The following GPATCH2 variants were observed in gnomAD, a reference collection of about 807,000 sequenced individuals.
GPATCH2 encodes the protein G patch domain-containing protein 2.
In GPATCH2, 51 loss-of-function variants were observed where a neutral mutation model predicts 58.0. The observed-to-expected ratio is 0.88, with a 90% CI of 0.70 to 1.11. The LOEUF is 1.11. GPATCH2 is among the 50% of genes most tolerant of loss of function. The pLI, the probability that GPATCH2 is intolerant of heterozygous loss-of-function variation, is 0.00. For missense variants in GPATCH2, 625 were observed against 652.2 expected (o/e 0.96, Z 0.45); for synonymous variants, 222 against 218.5 (o/e 1.02, Z -0.14).
chr1:217,489,652 C>A (rs1185086687), intron 8 of GPATCH2, among the ~76,000 whole-genome samples: 1 of 152,200 alleles, frequency 6.6e-6, no homozygotes, highest in African/African-American at 2.4e-5. Flanking sequence ...CACCTGAGGT[C>A]AGGAGTTTGA....
chr1:217,439,858 T>A (rs1460360511), intron 9 of GPATCH2, among the ~76,000 whole-genome samples: 1 of 152,192 alleles, frequency 6.6e-6, no homozygotes, highest in South Asian at 2.1e-4. Flanking sequence ...AGTTCTGACA[T>A]TGAGGCAGCA....
At chr1:217,483,151 T>C (rs2102520241) in intron 8 of GPATCH2, among the ~76,000 whole-genome samples, 1 of 152,306 alleles carries the variant, frequency 6.6e-6, no homozygotes, top group Admixed American at 6.5e-5. Flanking sequence ...TGAATAAAGA[T>C]GCTACAAATA....
chr1:217,512,156 T>G (rs891869766), intron 6 of GPATCH2, among the ~76,000 whole-genome samples: 2 of 151,818 alleles, frequency 1.3e-5, no homozygotes, highest in Non-Finnish European at 2.9e-5. Flanking sequence ...ACCACATGTC[T>G]ACCAAAAAAA....
intron 9 of GPATCH2, among the ~76,000 whole-genome samples, chr1:217,445,542 G>A (rs556458624): frequency 1.3e-5 from 2 of 151,916 alleles, no homozygotes; most frequent in Admixed American, 6.6e-5. Context: ...TTCTTGCTTC[G>A]ATAGTTCTCA....
intron 8 of GPATCH2, among the ~76,000 whole-genome samples, chr1:217,469,192 G>C (rs1213766938): frequency 5.3e-5 from 8 of 152,032 alleles, no homozygotes; most frequent in Admixed American, 4.6e-4. Context: ...GATAATAGTA[G>C]TTTTTATTCC....
At chr1:217,458,169 G>A (rs951592463) in intron 8 of GPATCH2, among the ~76,000 whole-genome samples, 7 of 152,296 alleles carry the variant, frequency 4.6e-5, no homozygotes, top group Admixed American at 4.6e-4. Flanking sequence ...GGCGGAGCTT[G>A]CAGTGAGCCG....
At chr1:217,466,791 A>C (rs1660473443) in intron 8 of GPATCH2, among the ~76,000 whole-genome samples, 1 of 152,106 alleles carries the variant, frequency 6.6e-6, no homozygotes, top group Non-Finnish European at 1.5e-5. Context: ...GGGCAAGAGA[A>C]AGGAGAAAAA....
intron 5 of GPATCH2, among the ~76,000 whole-genome samples, chr1:217,567,244 C>A (rs1315938576): frequency 6.6e-6 from 1 of 152,098 alleles, no homozygotes; most frequent in East Asian, 1.9e-4. Context: ...CGGGGTTTCT[C>A]CACGTTGGTC....
In GPATCH2 at chr1:217,630,955, C is replaced by T; in HGVS notation, c.17G>A (p.Gly6Glu). The part of the protein sequence containing the change: MFGAA[G>E]RQPIGAPAAG... ...TGCTGGAGCTCCGATCGGTTGGCGC[C>T]CGGCGGCCCCGAACATTAACGACAC... The change falls in exon 1 of 10, where the codon GGG becomes GAG. Residue 6 changes from glycine to glutamate, a missense_variant. Transcript: ENST00000366935. 6.3e-7 allele frequency: 1 copy of T among 1,588,156 alleles called. No homozygotes were observed. The highest frequency in any genetic ancestry group is 8.5e-7 in the Non-Finnish European group (1 of 1,172,440).
Position 217,483,333 on chromosome 1 carries a change from C to T in GPATCH2, c.1277+8347G>A, listed in dbSNP as rs185332726. Among the ~76,000 whole-genome samples, 377 of 151,914 alleles carry T rather than the reference C, an allele frequency of 2.5e-3. 7 individuals are homozygous for T. The highest frequency in any genetic ancestry group is 0.021 in the Admixed American group (315 of 15,272). ...CTGAGTAGATGGGACTATAGGCATG[C>T]GCCACCATGCCTGACTAATATTTTT... On this transcript the variant is annotated intron_variant, in intron 8 of 9. Coordinates refer to ENST00000366935, the MANE Select transcript of GPATCH2 (RefSeq NM_018040.5).
intron 5 of GPATCH2, among the ~76,000 whole-genome samples, chr1:217,587,592 T>C (rs1667400140): frequency 1.3e-5 from 2 of 152,142 alleles, no homozygotes; most frequent in Non-Finnish European, 2.9e-5. Flanking sequence ...AATAATACTC[T>C]GTATGAACAG....
At position 217,628,351 on chromosome 1, in the gene GPATCH2, C is replaced by T. The variant is rs559330498; in HGVS notation, c.56+2565G>A. Among the ~76,000 whole-genome samples the T allele has an allele frequency of 1.1e-4, 16 of 152,104 alleles. No individual in the cohort carries two copies. The South Asian group carries it at 2.5e-3, about 24-fold the overall frequency. On this transcript the variant is annotated intron_variant, in intron 1 of 9. Transcript: ENST00000366935. ...GTTAAGGAAAAATTATCAAAGACAA[C>T]GTAAAGGCTTCCAGCTTGACATAAA... is the stretch of plus-strand genomic sequence containing the variant.
At position 217,428,654 on chromosome 1, in the gene GPATCH2, A is replaced by G. The variant is rs867850462; in HGVS notation, c.*2491T>C. Reference sequence around the variant, plus strand: ...CTGTAGAGTACATATATTCTGTACAATTAAACACTTCAACAGAGTAAGAAG... The same window carrying G: ...CTGTAGAGTACATATATTCTGTACAGTTAAACACTTCAACAGAGTAAGAAG... On this transcript the variant is annotated 3_prime_UTR_variant, in exon 10 of 10. Transcript: ENST00000366935. 2 of 152,200 alleles carry G rather than the reference A, an allele frequency of 1.3e-5. No individual in the cohort carries two copies. Among genetic ancestry groups the G allele is most frequent in the South Asian group, 4.1e-4 (2 of 4,832 alleles). The allele number at this position is 152,200 out of a possible 1,614,324, so 9.4% of individuals were successfully genotyped here.
intron 5 of GPATCH2, among the ~76,000 whole-genome samples, chr1:217,593,170 A>C (rs780130637): frequency 3.9e-5 from 6 of 152,052 alleles, no homozygotes; most frequent in Non-Finnish European, 7.4e-5. Context: ...AAAATGACTC[A>C]AAATAGATTT....
intron 9 of GPATCH2, among the ~76,000 whole-genome samples, chr1:217,437,076 G>A (rs1283081166): frequency 1.3e-5 from 2 of 152,122 alleles, no homozygotes; most frequent in African/African-American, 4.8e-5. Context: ...TGCAGTCCAC[G>A]GAGGGTGAGC....
chr1:217,623,257 C>T (rs569346585), intron 1 of GPATCH2, among the ~76,000 whole-genome samples: 16 of 152,052 alleles, frequency 1.1e-4, no homozygotes, highest in Admixed American at 5.2e-4. Context: ...GAAATTAACT[C>T]GATGTATGAA....
intron 8 of GPATCH2, among the ~76,000 whole-genome samples, chr1:217,454,588 C>CAAAAAA (rs34571192): frequency 1.7e-5 from 1 of 59,610 alleles, no homozygotes; most frequent in Non-Finnish European, 2.7e-5. Flanking sequence ...GACTCTGTCT[C>CAAAAAA]AAAAAAAAAA....
intron 5 of GPATCH2, among the ~76,000 whole-genome samples, chr1:217,567,941 C>T (rs1666332764): frequency 6.6e-6 from 1 of 152,096 alleles, no homozygotes. Flanking sequence ...ATGGTGAAAC[C>T]CCGTCTCCAC....
intron 6 of GPATCH2, among the ~76,000 whole-genome samples, chr1:217,503,289 C>T (rs1356671043): frequency 6.6e-6 from 1 of 151,900 alleles, no homozygotes; most frequent in Non-Finnish European, 1.5e-5. Flanking sequence ...TAAAAAGTGA[C>T]GTAGGAAGAA....
Sources: allele counts gnomAD v4.1 joint callset (sites outside exome capture counted in the v4.1 genomes callset), GRCh38; gene constraint gnomAD v4.1.1; transcripts MANE v1.5; gene names NCBI Gene and HGNC (gene_info 2026-07-23, HGNC 2026-07-21).